The following PHEX variants were observed in gnomAD, a reference collection of about 807,000 sequenced individuals.
PHEX encodes the protein phosphate-regulating neutral endopeptidase PHEX.
Under a neutral mutation model 68.0 loss-of-function variants are expected in PHEX, and 16 were observed. The observed-to-expected ratio is 0.24, with a 90% confidence interval of 0.16 to 0.36. The LOEUF (loss-of-function observed/expected upper bound fraction) is 0.36. Ranked by LOEUF, PHEX falls within the 10% of genes least tolerant of loss-of-function variation. The pLI is 1.00. For missense variants in PHEX, 480 were observed against 575.5 expected, an observed-to-expected ratio of 0.83 and a Z score of 1.70; for synonymous variants, 208 against 205.1, an observed-to-expected ratio of 1.01 and a Z score of -0.12.
At chrX:22,077,352 C>T (rs1602274569) in intron 4 of PHEX, 124 bp from the exon 5 acceptor site, 2 of 613,135 alleles carry the variant, frequency 3.3e-6, no homozygotes, top group East Asian at 6.5e-5. Context: ...TTACCTACTC[C>T]CTAACAGCTG....
intron 15 of PHEX, among the ~76,000 whole-genome samples, chrX:22,204,775 A>G (rs2147153654): frequency 8.9e-6 from 1 of 112,302 alleles, no homozygotes; most frequent in South Asian, 3.7e-4. Context: ...TAAAATAATC[A>G]AAGAAGTTAG....
At chrX:22,167,014 G>A (rs758909422) in intron 12 of PHEX, among the ~76,000 whole-genome samples, 180 of 111,676 alleles carry the variant, frequency 1.6e-3, no homozygotes, top group Middle Eastern at 0.014. Context: ...ATATTCCATT[G>A]TGTACATATA....
intron 15 of PHEX, among the ~76,000 whole-genome samples, chrX:22,207,020 G>C (rs891804292): frequency 1.8e-5 from 2 of 111,657 alleles, no homozygotes; most frequent in Non-Finnish European, 3.8e-5. Context: ...GAATGTGATT[G>C]GTTCTTTGGC....
At chrX:22,203,908 AT>A (rs908543824) in intron 15 of PHEX, among the ~76,000 whole-genome samples, 2 of 111,525 alleles carry the variant, frequency 1.8e-5, no homozygotes, top group African/African-American at 6.5e-5. Flanking sequence ...GAAATTCCTT[AT>A]TTTTCCTAAA....
chrX:22,234,833 C>CCA (rs61094602), intron 20 of PHEX, among the ~76,000 whole-genome samples: 2,753 of 86,586 alleles, frequency 0.032, 82 homozygotes, highest in East Asian at 0.23. Context: ...AAAAAAAAAA[C>CCA]CACACACACA....
intron 5 of PHEX, among the ~76,000 whole-genome samples, chrX:22,081,047 T>G (rs1929370871): frequency 9.0e-6 from 1 of 111,626 alleles, no homozygotes. Context: ...GTACCCGATA[T>G]GCCTCTCAGA....
intron 20 of PHEX, among the ~76,000 whole-genome samples, chrX:22,243,847 G>A (rs765670583): frequency 8.9e-6 from 1 of 112,224 alleles, no homozygotes; most frequent in East Asian, 2.8e-4. Context: ...GCGTAAACTA[G>A]TTCAACCATT....
intron 1 of PHEX, among the ~76,000 whole-genome samples, chrX:22,036,584 TA>T (rs1372920517): frequency 9.0e-6 from 1 of 111,486 alleles, no homozygotes; most frequent in Non-Finnish European, 1.9e-5. Flanking sequence ...TTGCATTATA[TA>T]AAAGAACACA....
At chrX:22,155,573 G>A (rs770425020) in intron 12 of PHEX, among the ~76,000 whole-genome samples, 18 of 111,526 alleles carry the variant, frequency 1.6e-4, no homozygotes, top group Non-Finnish European at 2.6e-4. Flanking sequence ...TAAATAATTT[G>A]TAAGTATTTT....
At chrX:22,201,879 C>T (rs149617354) in intron 15 of PHEX, among the ~76,000 whole-genome samples, 138 of 111,186 alleles carry the variant, frequency 1.2e-3, no homozygotes, top group African/African-American at 4.1e-3. Context: ...AAAAACCAGC[C>T]ATGGGAACAG....
At chrX:22,204,328 C>G (rs747956385) in intron 15 of PHEX, among the ~76,000 whole-genome samples, 1 of 111,906 alleles carries the variant, frequency 8.9e-6, no homozygotes, top group East Asian at 2.8e-4. Flanking sequence ...CACCCATTAG[C>G]TAGACATGTG....
intron 3 of PHEX, among the ~76,000 whole-genome samples, chrX:22,048,106 T>C (rs1311714524): frequency 9.0e-6 from 1 of 111,499 alleles, no homozygotes; most frequent in Non-Finnish European, 1.9e-5. Flanking sequence ...AAATTAAATA[T>C]GTATCATTTT....
At chrX:22,033,521 C>T (rs1455932347) in intron 1 of PHEX, among the ~76,000 whole-genome samples, 1 of 111,998 alleles carries the variant, frequency 8.9e-6, no homozygotes, top group Non-Finnish European at 1.9e-5. Flanking sequence ...AGTGTCTTTC[C>T]ATTTGACTTT....
At chrX:22,089,947 A>G (rs1929805078) in intron 5 of PHEX, among the ~76,000 whole-genome samples, 1 of 112,232 alleles carries the variant, frequency 8.9e-6, no homozygotes, top group South Asian at 3.7e-4. Context: ...GGAGTTGGAA[A>G]CGTCTGATTA....
At position 22,058,691 on chromosome X, in the gene PHEX, A is replaced by G. The variant is rs758616533; in HGVS notation, c.349+11480A>G. ...TCATTGGAGGCCATGTGATTTTTAA[A>G]TCACTCCCACAGGAAGAGAAAGAAG... On this transcript the variant is annotated intron_variant, in intron 3 of 21. Transcript: ENST00000379374. Among the ~76,000 whole-genome samples the G allele has an allele frequency of 4.4e-5, 5 of 112,496 alleles. No individual in the cohort carries two copies. In the South Asian group the frequency reaches 1.5e-3, roughly 33 times the overall value.
In PHEX at chrX:22,047,082, G is replaced by T; in HGVS notation, c.220G>T (p.Val74Leu). The change falls in exon 3 of 22, where the codon GTG becomes TTG. Residue 74 changes from valine to leucine, a missense_variant. Physicochemically the swap from Val to Leu is conservative, Grantham distance 32 (BLOSUM62 1). Transcript: ENST00000379374. ...AAILSKVNLSVDPCDNFFRFA... is the reference protein window; with the variant it reads ...AAILSKVNLSLDPCDNFFRFA... ...CATCTTAAGTAAAGTAAATCTGTCT[G>T]TGGATCCTTGTGATAATTTCTTCCG... 8.3e-7 allele frequency: 1 copy of T among 1,208,966 alleles called. No homozygotes were observed. The highest frequency in any genetic ancestry group is 1.8e-5 in the South Asian group (1 of 56,931).
chrX:22,098,826 A>AAAAAAAAAAAAAT (rs1930278967), intron 8 of PHEX, among the ~76,000 whole-genome samples, 180 bp from the exon 9 acceptor site: 1 of 103,115 alleles, frequency 9.7e-6, no homozygotes, highest in African/African-American at 3.7e-5. Context: ...AAAAAAAAAA[A>AAAAAAAAAAAAAT]AGACAATAGG....
chrX:22,055,492 A>G (rs753245442), intron 3 of PHEX, among the ~76,000 whole-genome samples: 1 of 111,518 alleles, frequency 9.0e-6, no homozygotes, highest in South Asian at 3.7e-4. Flanking sequence ...TAAATGAACT[A>G]AAGAGGCCAT....
At chrX:22,135,974 G>A (rs1318795238) in intron 12 of PHEX, among the ~76,000 whole-genome samples, 1 of 110,987 alleles carries the variant, frequency 9.0e-6, no homozygotes. Context: ...AAAGATGGAT[G>A]TTGTTGAAGC....
Sources: gnomAD v4.1 joint callset for allele counts (sites outside exome capture counted in the v4.1 genomes callset) on GRCh38, gnomAD v4.1.1 for gene constraint, MANE v1.5 for transcripts, NCBI Gene and HGNC (gene_info 2026-07-23, HGNC 2026-07-21) for gene names.